The following PWWP4 variants were observed in gnomAD, a reference collection of about 807,000 sequenced individuals.
PWWP4 encodes PWWP domain containing 4.
chrX:153,276,584 C>T (rs1411792594), exon 1 of PWWP4, among the ~76,000 whole-genome samples: 1 of 54,830 alleles, frequency 1.8e-5, no homozygotes, highest in Non-Finnish European at 3.8e-5. Context: ...GCTGCATCCC[C>T]GGAAAGTTCT....
upstream of PWWP4, among the ~76,000 whole-genome samples, chrX:153,270,359 G>A (rs2051802731): frequency 1.0e-5 from 1 of 99,951 alleles, no homozygotes; most frequent in Non-Finnish European, 2.0e-5. Flanking sequence ...GGCATAACAG[G>A]GAAATTGTTT....
chrX:153,266,495 G>A, the PWWP4 span, among the ~76,000 whole-genome samples: 1 of 104,353 alleles, frequency 9.6e-6, no homozygotes, highest in Non-Finnish European at 1.9e-5. Context: ...GGATGTGTGT[G>A]TGTGAGGATG....
At chrX:153,270,232 G>A (rs1250021093), upstream of PWWP4, among the ~76,000 whole-genome samples, 11 of 104,991 alleles carry the variant, frequency 1.0e-4, no homozygotes, top group South Asian at 3.9e-3. Flanking sequence ...GAGAGAGAGA[G>A]GAGAGAGAGA....
At chrX:153,271,521 C>A (rs1260839061), upstream of PWWP4, among the ~76,000 whole-genome samples, 2 of 108,344 alleles carry the variant, frequency 1.8e-5, no homozygotes, top group African/African-American at 7.1e-5. Flanking sequence ...GCAAGGGATG[C>A]TCTGAAGAGC....
chrX:153,266,302 T>C, the PWWP4 span, among the ~76,000 whole-genome samples: 2 of 101,353 alleles, frequency 2.0e-5, no homozygotes, highest in African/African-American at 3.9e-5. Flanking sequence ...AGGATGTGTG[T>C]CTGTGTGTGT....
upstream of PWWP4, among the ~76,000 whole-genome samples, chrX:153,269,996 G>A (rs1288330624): frequency 9.1e-6 from 1 of 109,774 alleles, no homozygotes; most frequent in African/African-American, 3.4e-5. Flanking sequence ...CTTGGAAGCG[G>A]GCACATTATC....
chrX:153,269,968 T>C (rs1166593663), upstream of PWWP4, among the ~76,000 whole-genome samples: 2 of 111,220 alleles, frequency 1.8e-5, no homozygotes, highest in African/African-American at 6.5e-5. Context: ...TGTGTGCACA[T>C]TGGCGCATCG....
At chrX:153,266,628 G>A (rs1333604069), upstream of PWWP4, among the ~76,000 whole-genome samples, 97 of 107,145 alleles carry the variant, frequency 9.1e-4, no homozygotes, top group Non-Finnish European at 1.7e-3. Context: ...GGTGACACCT[G>A]TTGAGCCAGA....
At chrX:153,270,293 G>A (rs1201360672), upstream of PWWP4, among the ~76,000 whole-genome samples, 11 of 106,679 alleles carry the variant, frequency 1.0e-4, no homozygotes, top group African/African-American at 3.9e-4. Flanking sequence ...GGATGCTCTC[G>A]GGAAAGCACT....
chrX:153,276,157 C>T (rs1249695540), exon 1 of PWWP4, among the ~76,000 whole-genome samples: 1 of 101,980 alleles, frequency 9.8e-6, no homozygotes, highest in African/African-American at 3.8e-5. Context: ...CTCAGGAGAA[C>T]GCATGGCCAT....
upstream of PWWP4, among the ~76,000 whole-genome samples, chrX:153,270,052 C>CT (rs200017134): frequency 0.069 from 7,371 of 107,155 alleles, 416 homozygotes; most frequent in African/African-American, 0.11. Context: ...ACATGTCTGT[C>CT]TACACATCTC....
chrX:153,269,983 T>C (rs1463230746), upstream of PWWP4, among the ~76,000 whole-genome samples: 14 of 110,476 alleles, frequency 1.3e-4, no homozygotes, highest in Non-Finnish European at 2.5e-4. Flanking sequence ...GCATCGGCAA[T>C]GCCTTGGAAG....
chrX:153,266,271 G>A, the PWWP4 span, among the ~76,000 whole-genome samples: 1 of 99,930 alleles, frequency 1.0e-5, no homozygotes, highest in Non-Finnish European at 2.0e-5. Flanking sequence ...GGGGCGGGGG[G>A]GAGGTGAGGG....
exon 1 of PWWP4, among the ~76,000 whole-genome samples, chrX:153,272,814 G>A (rs1445573971): frequency 6.3e-5 from 7 of 111,660 alleles, no homozygotes; most frequent in African/African-American, 2.3e-4. Context: ...CTACTCCAGG[G>A]ACCCTGCAGG....
the PWWP4 span, among the ~76,000 whole-genome samples, chrX:153,266,318 T>A: frequency 9.8e-6 from 1 of 101,708 alleles, no homozygotes; most frequent in Non-Finnish European, 2.0e-5. Context: ...TGTGTGTGTG[T>A]GACGGTGTGT....
At chrX:153,266,481 G>C in the PWWP4 span, among the ~76,000 whole-genome samples, 1 of 100,037 alleles carries the variant, frequency 1.0e-5, no homozygotes, top group Non-Finnish European at 2.0e-5. Context: ...GGATGTGTGT[G>C]TGAGGATGTG....
At chrX:153,276,621 C>T (rs1195319609) in exon 1 of PWWP4, among the ~76,000 whole-genome samples, 3 of 54,511 alleles carry the variant, frequency 5.5e-5, no homozygotes, top group African/African-American at 7.5e-5. Context: ...TTCAGGACCC[C>T]GGAGAGGGTG....
At chrX:153,271,090 G>A (rs1426867363), upstream of PWWP4, among the ~76,000 whole-genome samples, 3 of 113,897 alleles carry the variant, frequency 2.6e-5, no homozygotes, top group Non-Finnish European at 3.7e-5. Context: ...CATTTCCCCA[G>A]GTTTCCGCCC....
upstream of PWWP4, among the ~76,000 whole-genome samples, chrX:153,270,199 T>TCACA (rs1389641514): frequency 3.0e-5 from 2 of 66,063 alleles, no homozygotes; most frequent in African/African-American, 5.8e-5. Context: ...TCTCTCTCTC[T>TCACA]CACACACACA....
Sources: allele counts gnomAD v4.1 joint callset (sites outside exome capture counted in the v4.1 genomes callset), GRCh38; gene constraint gnomAD v4.1.1; transcripts MANE v1.5; gene names NCBI Gene and HGNC (gene_info 2026-07-23, HGNC 2026-07-21).